Variants in GATA4 observed in about 807,000 individuals in gnomAD.
GATA4 encodes transcription factor GATA-4.
A neutral mutation model predicts 37.9 loss-of-function variants in GATA4; 7 were observed. The ratio of observed to expected loss-of-function variants is 0.18; its 90% CI spans 0.11 to 0.35. GATA4 has a LOEUF of 0.35. Ranked by LOEUF, GATA4 falls within the 10% of genes least tolerant of loss-of-function variation. The pLI is 1.00. For synonymous variants in GATA4, 372 were observed against 292.6 expected (o/e 1.27, Z -2.77); for missense variants, 647 against 653.0 (o/e 0.99, Z 0.10).
Position 11,709,495 on chromosome 8 carries a change from C to T in GATA4, c.616+567C>T, listed in dbSNP as rs926385977. Among the ~76,000 whole-genome samples the T allele has an allele frequency of 6.1e-5, 9 of 148,328 alleles. No homozygotes were observed. Among genetic ancestry groups the T allele is most frequent in the East Asian group, 2.1e-4 (1 of 4,780 alleles). On this transcript the variant is annotated intron_variant, in intron 2 of 6. Transcript: ENST00000532059. This position sits in a 1 kb window ranked among gnomAD's most constrained non-coding sequence, Gnocchi z 4.3. Reference sequence around the variant, plus strand: ...ACAAAGGAGGGATGGACAAAGGAGACGCCGGGGAGATGCGCGGAACAGGAG... The same window carrying T: ...ACAAAGGAGGGATGGACAAAGGAGATGCCGGGGAGATGCGCGGAACAGGAG...
intron 2 of GATA4, among the ~76,000 whole-genome samples, chr8:11,734,668 G>C (rs1338749164): frequency 9.9e-5 from 15 of 152,130 alleles, no homozygotes. Context: ...TGTATCTTTA[G>C]TAGAGATGGG....
At chr8:11,688,524 GCACACA>G (rs56159918), upstream of GATA4, among the ~76,000 whole-genome samples, 58 of 149,638 alleles carry the variant, frequency 3.9e-4, no homozygotes, top group South Asian at 9.1e-3. Context: ...GTGCGCGCAT[GCACACA>G]CACACACACA....
At chr8:11,692,761 G>C (rs989921059) in intron 1 of GATA4, 3 of 983,322 alleles carry the variant, frequency 3.1e-6, no homozygotes, top group Non-Finnish European at 3.6e-6. Context: ...CGGACGGACG[G>C]GGGGCGGGAA....
chr8:11,702,897 G>T (rs1219528071), upstream of GATA4, among the ~76,000 whole-genome samples: 1 of 152,214 alleles, frequency 6.6e-6, no homozygotes, highest in Admixed American at 6.5e-5. This position sits in a 1 kb window ranked among gnomAD's most constrained non-coding sequence, Gnocchi z 4.4. Flanking sequence ...AGCCGCGCTC[G>T]TTTCTTCCTC....
chr8:11,758,235 C>T, intron 6 of GATA4, 58 bp from the exon 7 acceptor site: 2 of 1,585,412 alleles, frequency 1.3e-6, no homozygotes, highest in Non-Finnish European at 1.7e-6. Context: ...CCAGCCTAGA[C>T]CTCCCAAGCC....
At chr8:11,716,186 A>C (rs554933138) in intron 2 of GATA4, among the ~76,000 whole-genome samples, 1 of 152,354 alleles carries the variant, frequency 6.6e-6, no homozygotes, top group African/African-American at 2.4e-5. Flanking sequence ...ATGGGTATGC[A>C]AATGAAACCT....
chr8:11,742,100 T>C (rs1172220056), intron 2 of GATA4, among the ~76,000 whole-genome samples: 1 of 152,118 alleles, frequency 6.6e-6, no homozygotes, highest in Admixed American at 6.5e-5. Context: ...ACGCTCACCC[T>C]ACTATGAGCA....
intron 2 of GATA4, among the ~76,000 whole-genome samples, chr8:11,727,982 T>G (rs1473441397): frequency 6.6e-6 from 1 of 152,236 alleles, no homozygotes; most frequent in Admixed American, 6.5e-5. Context: ...TAAATGTTAG[T>G]CTGCATTTAC....
intron 1 of GATA4, chr8:11,680,747 C>T (rs916543224): frequency 1.0e-6 from 1 of 985,248 alleles, no homozygotes; most frequent in Non-Finnish European, 1.2e-6. Context: ...GAGGAGAGCC[C>T]GGCTTCTGCG....
chr8:11,729,514 C>T (rs1801101350), intron 2 of GATA4, among the ~76,000 whole-genome samples: 1 of 151,120 alleles, frequency 6.6e-6, no homozygotes, highest in South Asian at 2.1e-4. Flanking sequence ...GGTTGCTGTG[C>T]CACTGCACTC....
intron 2 of GATA4, among the ~76,000 whole-genome samples, chr8:11,714,107 G>A (rs1266329514): frequency 1.3e-5 from 2 of 152,204 alleles, no homozygotes; most frequent in Non-Finnish European, 2.9e-5. Flanking sequence ...ACGGATATAT[G>A]GTGGTAGGTG....
chr8:11,693,117 G>A (rs1238566354), intron 1 of GATA4: 15 of 964,894 alleles, frequency 1.6e-5, no homozygotes, highest in Non-Finnish European at 1.7e-5. Context: ...TAATCCCAGT[G>A]TCTGTTAACG....
At chr8:11,680,499 C>T (rs1224391768) in intron 1 of GATA4, 1 of 985,470 alleles carries the variant, frequency 1.0e-6, no homozygotes, top group Middle Eastern at 5.2e-4. Flanking sequence ...ATCAATCTGG[C>T]GCCACATGGG....
At chr8:11,747,137 A>T (rs1585681116) in intron 2 of GATA4, among the ~76,000 whole-genome samples, 1 of 152,178 alleles carries the variant, frequency 6.6e-6, no homozygotes. Flanking sequence ...ACTAGAGAAA[A>T]ATCTGCCCTT....
At chr8:11,716,899 G>A (rs1800456623) in intron 2 of GATA4, among the ~76,000 whole-genome samples, 2 of 152,240 alleles carry the variant, frequency 1.3e-5, no homozygotes, top group Admixed American at 6.5e-5. Context: ...TAAGAAAGAG[G>A]AAGTATGCTA....
At position 11,749,968 on chromosome 8, in the gene GATA4, C is replaced by G. The variant is rs1802217916; in HGVS notation, c.787-143C>G. The stretch of plus-strand genomic sequence containing the variant: ...AGGTGACAGGAGAGTTAGGTGCCGT[C>G]ACAGGTCAGAGATCTCATGCAGGGT... On this transcript the variant is annotated intron_variant, in intron 3 of 6. Transcript: ENST00000532059. This position sits in a 1 kb window ranked among gnomAD's most constrained non-coding sequence, Gnocchi z 4.6. The G allele has an allele frequency of 6.4e-6, 7 of 1,096,278 alleles. No homozygotes were observed. The East Asian group carries it at 1.7e-4, about 27-fold the overall frequency. The allele number at this position is 1,096,278 out of a possible 1,614,324, so 67.9% of individuals were successfully genotyped here.
chr8:11,721,773 T>C (rs1800689053), intron 2 of GATA4, among the ~76,000 whole-genome samples: 1 of 152,170 alleles, frequency 6.6e-6, no homozygotes, highest in Admixed American at 6.5e-5. Flanking sequence ...CCTCTTCTTG[T>C]ACTTTCTCTA....
At position 11,707,103 on chromosome 8, in the gene GATA4, G is replaced by A. The variant is rs1158456399; in HGVS notation, c.-457-753G>A. Among the ~76,000 whole-genome samples, 3 of 152,258 alleles carry A rather than the reference G, an allele frequency of 2.0e-5. No homozygotes were observed. Among genetic ancestry groups the A allele is most frequent in the African/African-American group, 4.8e-5 (2 of 41,556 alleles). ...TCAGTGAATTAGAATGGTCCAGTGG[G>A]TTATTCTGTAGAGCGGCATTGTACA... is the stretch of plus-strand genomic sequence containing the variant. On this transcript the variant is annotated intron_variant, in intron 1 of 6. Transcript: ENST00000532059. The surrounding 1 kb of genome is among the most constrained non-coding windows in gnomAD (Gnocchi z 4.7).
rs1802719538 is a variant in GATA4, at chr8:11,758,460, C to CAT, written c.1319_1320dup (p.Ile441Ter). On this transcript the variant is annotated frameshift_variant, in exon 7 of 7. Transcript: ENST00000532059. LOFTEE classifies it high-confidence loss of function. ...TGGTCTTGGCCGACAGTCACGGGGA[C>CAT]ATAATCACTGCGTAATCTTCCCTCT... 6.2e-7 allele frequency: 1 copy of CAT among 1,614,076 alleles called. No individual in the cohort carries two copies.
Sources: allele counts gnomAD v4.1 joint callset (sites outside exome capture counted in the v4.1 genomes callset), GRCh38; gene constraint gnomAD v4.1.1; non-coding constraint Gnocchi (gnomAD v3.1); transcripts MANE v1.5; gene names NCBI Gene and HGNC (gene_info 2026-07-23, HGNC 2026-07-21).